The following TENM4 variants were observed in gnomAD, a reference collection of about 807,000 sequenced individuals.
The protein encoded by TENM4 is teneurin transmembrane protein 4, also known as teneurin-4.
TENM4 carries 82 observed loss-of-function variants against 243.3 expected under a neutral mutation model. The observed-to-expected ratio is 0.34, with a 90% confidence interval of 0.28 to 0.40. The LOEUF is 0.40. Among genes scored for constraint, TENM4 ranks in the 10% least tolerant of loss-of-function variants. The pLI is 1.00. For missense variants in TENM4, 3,138 were observed against 3,673.3 expected, an observed-to-expected ratio of 0.85 and a Z score of 3.77; for synonymous variants, 1,412 against 1,456.3, an observed-to-expected ratio of 0.97 and a Z score of 0.69.
chr11:79,103,773 G>A (rs929762721), intron 4 of TENM4, among the ~76,000 whole-genome samples: 7 of 152,164 alleles, frequency 4.6e-5, no homozygotes, highest in Admixed American at 2.0e-4. Flanking sequence ...GCCCCTTCTA[G>A]AGACTCATTC....
chr11:78,723,247 T>C (rs1187346615), intron 23 of TENM4, among the ~76,000 whole-genome samples: 1 of 152,266 alleles, frequency 6.6e-6, no homozygotes, highest in Non-Finnish European at 1.5e-5. Context: ...CGCTTAGCCA[T>C]TCACCTACAC....
At chr11:78,932,049 G>T (rs927406055) in intron 6 of TENM4, among the ~76,000 whole-genome samples, 1 of 152,146 alleles carries the variant, frequency 6.6e-6, no homozygotes, top group Non-Finnish European at 1.5e-5. Flanking sequence ...GAAGGATTTC[G>T]CAGGCTTGGA....
At chr11:79,349,467 G>A (rs1429320217) in intron 1 of TENM4, among the ~76,000 whole-genome samples, 1 of 152,152 alleles carries the variant, frequency 6.6e-6, no homozygotes, top group East Asian at 1.9e-4. Flanking sequence ...TCTACATATT[G>A]TTGAGTCCCC....
chr11:79,409,060 TTGTGTGTGTGTGTGTGTGTGTGTG>T (rs559211499), intron 1 of TENM4, among the ~76,000 whole-genome samples: 5 of 141,984 alleles, frequency 3.5e-5, no homozygotes, highest in Admixed American at 2.1e-4. Flanking sequence ...GAGGGATATT[TTGTGTGTGTGTGTGTGTGTGTGTG>T]TGTGTGTGTG....
At chr11:78,970,624 G>A (rs1857521402) in intron 6 of TENM4, among the ~76,000 whole-genome samples, 2 of 152,118 alleles carry the variant, frequency 1.3e-5, no homozygotes, top group Admixed American at 1.3e-4. Flanking sequence ...CCAAGATCGT[G>A]GGCAAAGCAG....
intron 3 of TENM4, among the ~76,000 whole-genome samples, chr11:79,162,595 T>G (rs903679501): frequency 8.5e-5 from 13 of 152,288 alleles, no homozygotes; most frequent in African/African-American, 2.6e-4. Context: ...AAAACTTATT[T>G]AATTTTCTTT....
intron 3 of TENM4, among the ~76,000 whole-genome samples, chr11:79,213,620 T>G (rs1041163718): frequency 1.1e-4 from 16 of 152,104 alleles, no homozygotes; most frequent in African/African-American, 3.9e-4. Context: ...GGCCCCCATG[T>G]GGGGATGAGC....
At chr11:79,102,386 G>A (rs1051182147) in intron 4 of TENM4, among the ~76,000 whole-genome samples, 1 of 152,170 alleles carries the variant, frequency 6.6e-6, no homozygotes, top group African/African-American at 2.4e-5. Flanking sequence ...ATGGGCTGGT[G>A]CAATGGTAAA....
chr11:79,092,991 A>T (rs1164439485), intron 4 of TENM4: 1 of 152,210 alleles, frequency 6.6e-6, no homozygotes, highest in Non-Finnish European at 1.5e-5. Context: ...ATTACATGTC[A>T]AGAGTACTTG....
chr11:79,371,767 A>G (rs1857791919), intron 1 of TENM4, among the ~76,000 whole-genome samples: 1 of 152,238 alleles, frequency 6.6e-6, no homozygotes, highest in South Asian at 2.1e-4. Context: ...AGTGAAGTCA[A>G]GAAACCCCCT....
intron 7 of TENM4, among the ~76,000 whole-genome samples, chr11:78,892,252 G>C (rs2136299049): frequency 6.6e-6 from 1 of 152,330 alleles, no homozygotes; most frequent in African/African-American, 2.4e-5. Context: ...AAGTAGGCTG[G>C]AGCCTGTCTC....
intron 9 of TENM4, among the ~76,000 whole-genome samples, chr11:78,874,490 C>A (rs1018337746): frequency 2.0e-5 from 3 of 152,112 alleles, no homozygotes; most frequent in Admixed American, 6.5e-5. Context: ...CAGTTTCAGA[C>A]CTCAACAATT....
At chr11:78,734,048 A>T (rs1444038360) in intron 20 of TENM4, among the ~76,000 whole-genome samples, 1 of 152,052 alleles carries the variant, frequency 6.6e-6, no homozygotes, top group African/African-American at 2.4e-5. Flanking sequence ...AGTGATGTGA[A>T]CTAAGTGATG....
intron 1 of TENM4, among the ~76,000 whole-genome samples, chr11:79,306,840 C>T (rs1395111364): frequency 6.6e-6 from 1 of 152,198 alleles, no homozygotes; most frequent in African/African-American, 2.4e-5. Context: ...GATGCCCCCT[C>T]TGTACAATAC....
At position 78,702,341 on chromosome 11, in the gene TENM4, G is replaced by A. The variant is rs1859129449; in HGVS notation, c.4272C>T (p.Leu1424=). 3 of 1,613,970 alleles carry A rather than the reference G, an allele frequency of 1.9e-6. No homozygotes were observed. Among genetic ancestry groups the A allele is most frequent in the Non-Finnish European group, 1.7e-6 (2 of 1,179,886 alleles). ...INPMDNSLYV[L]DNNVVLQISE... ...AGATTTGCAGGACCACATTGTTGTC[G>A]AGGACATAAAGTGAGTTGTCCATTG... is the stretch of plus-strand genomic sequence containing the variant. The change falls in exon 28 of 34, where the codon CTC becomes CTT. Residue 1424 remains leucine, a synonymous_variant. Coordinates refer to ENST00000278550, the MANE Select transcript of TENM4 (RefSeq NM_001098816.3).
At chr11:78,676,632 T>G (rs1858485401) in intron 29 of TENM4, among the ~76,000 whole-genome samples, 1 of 152,262 alleles carries the variant, frequency 6.6e-6, no homozygotes, top group African/African-American at 2.4e-5. Flanking sequence ...TGCCCTTACA[T>G]TACAGTTTAA....
chr11:78,984,204 T>C (rs1383565601), intron 6 of TENM4, among the ~76,000 whole-genome samples: 1 of 152,150 alleles, frequency 6.6e-6, no homozygotes, highest in Non-Finnish European at 1.5e-5. Flanking sequence ...CTTAGATTCC[T>C]CCAAAAGCAA....
chr11:79,153,533 TCCCTTCTCTCACAC>T (rs1862548607), intron 3 of TENM4, among the ~76,000 whole-genome samples: 1 of 152,038 alleles, frequency 6.6e-6, no homozygotes, highest in Non-Finnish European at 1.5e-5. Flanking sequence ...ACAACCTGTC[TCCCTTCTCTCACAC>T]CCCTACCAAA....
intron 3 of TENM4, among the ~76,000 whole-genome samples, chr11:79,167,077 T>A (rs1375012143): frequency 6.6e-6 from 1 of 152,238 alleles, no homozygotes; most frequent in African/African-American, 2.4e-5. Context: ...TGGAGTTTAT[T>A]TGTTGCATAT....
Sources: gnomAD v4.1 joint callset for allele counts (sites outside exome capture counted in the v4.1 genomes callset) on GRCh38, gnomAD v4.1.1 for gene constraint, MANE v1.5 for transcripts, NCBI Gene and HGNC (gene_info 2026-07-23, HGNC 2026-07-21) for gene names.